The following MSRB3 variants were observed in gnomAD, a reference collection of about 807,000 sequenced individuals.
MSRB3 encodes methionine-R-sulfoxide reductase B3.
MSRB3 carries 13 observed loss-of-function variants against 21.0 expected under a neutral mutation model. The ratio of observed to expected loss-of-function variants is 0.62; its 90% CI spans 0.40 to 0.98. MSRB3 has a LOEUF of 0.98. MSRB3 is among the 50% of genes least tolerant of loss of function. The pLI, the probability that MSRB3 is intolerant of heterozygous loss-of-function variation, is 0.00. For missense variants in MSRB3, 199 were observed against 230.3 expected, an observed-to-expected ratio of 0.86 and a Z score of 0.88; for synonymous variants, 87 against 88.6, an observed-to-expected ratio of 0.98 and a Z score of 0.10.
chr12:65,313,387 A>G (rs1325623238), intron 2 of MSRB3, among the ~76,000 whole-genome samples: 3 of 152,164 alleles, frequency 2.0e-5, no homozygotes, highest in East Asian at 1.9e-4. Context: ...TACTGAATGC[A>G]TTGACTTTCT....
chr12:65,367,322 A>G (rs1295614808), intron 4 of MSRB3, among the ~76,000 whole-genome samples: 2 of 152,220 alleles, frequency 1.3e-5, no homozygotes, highest in African/African-American at 2.4e-5. Flanking sequence ...ACCTGTGGAG[A>G]ACCAGATACT....
intron 2 of MSRB3, among the ~76,000 whole-genome samples, chr12:65,314,625 G>A (rs1050314569): frequency 6.6e-6 from 1 of 152,076 alleles, no homozygotes; most frequent in African/African-American, 2.4e-5. Context: ...TGAATAAGAT[G>A]TTGGGCATAT....
intron 4 of MSRB3, among the ~76,000 whole-genome samples, chr12:65,351,865 G>T (rs1190339741): frequency 6.6e-6 from 1 of 152,114 alleles, no homozygotes; most frequent in African/African-American, 2.4e-5. Flanking sequence ...TGGATTCACA[G>T]CCGAATTCTA....
chr12:65,351,983 T>C (rs1462717004), intron 4 of MSRB3, among the ~76,000 whole-genome samples: 1 of 152,098 alleles, frequency 6.6e-6, no homozygotes, highest in Non-Finnish European at 1.5e-5. Flanking sequence ...ATCATTCTGA[T>C]ACCAAAGCCG....
At chr12:65,385,521 G>T (rs948164450) in intron 5 of MSRB3, among the ~76,000 whole-genome samples, 1 of 151,894 alleles carries the variant, frequency 6.6e-6, no homozygotes, top group Non-Finnish European at 1.5e-5. Context: ...ATGGGAAAAA[G>T]AATGTATTAC....
Position 65,336,323 on chromosome 12 carries a change from C to G in MSRB3, c.263+7720C>G, listed in dbSNP as rs76207519. Among the ~76,000 whole-genome samples, 8 of 152,308 alleles carry G rather than the reference C, an allele frequency of 5.3e-5. No individual in the cohort carries two copies. In the East Asian group the frequency reaches 1.5e-3, roughly 29 times the overall value. ...ACTAGAAAACTATCGCAAGGCATGA[C>G]TCAAAGTATAACAATATACAAAGAT... On this transcript the variant is annotated intron_variant, in intron 4 of 6. Coordinates refer to ENST00000308259, the MANE Select transcript of MSRB3 (RefSeq NM_001031679.3).
chr12:65,392,748 C>G (rs1409179981), intron 5 of MSRB3, among the ~76,000 whole-genome samples: 2 of 152,204 alleles, frequency 1.3e-5, no homozygotes, highest in Admixed American at 1.3e-4. Flanking sequence ...TTCTTCAGTA[C>G]TACTTTCTCC....
chr12:65,421,150 G>T (rs922122629), intron 5 of MSRB3, among the ~76,000 whole-genome samples: 1 of 151,962 alleles, frequency 6.6e-6, no homozygotes, highest in Non-Finnish European at 1.5e-5. Flanking sequence ...TTTAAATAAT[G>T]TCCTTTCTGA....
At chr12:65,295,501 G>A (rs942951239) in intron 1 of MSRB3, among the ~76,000 whole-genome samples, 7 of 150,024 alleles carry the variant, frequency 4.7e-5, no homozygotes, top group African/African-American at 1.8e-4. Context: ...TATCCTTAAG[G>A]ATATTTGATT....
intron 5 of MSRB3, among the ~76,000 whole-genome samples, chr12:65,442,575 A>T (rs771517114): frequency 3.9e-5 from 6 of 152,082 alleles, no homozygotes; most frequent in Non-Finnish European, 8.8e-5. Context: ...AGCAACCCAC[A>T]TCACCATCTT....
intron 4 of MSRB3, among the ~76,000 whole-genome samples, chr12:65,358,815 C>T (rs1352041829): frequency 6.6e-6 from 1 of 151,818 alleles, no homozygotes; most frequent in Non-Finnish European, 1.5e-5. Context: ...GATGGGTTAT[C>T]CTTATATCTT....
At chr12:65,393,283 A>C (rs1003720230) in intron 5 of MSRB3, among the ~76,000 whole-genome samples, 1 of 152,158 alleles carries the variant, frequency 6.6e-6, no homozygotes, top group Non-Finnish European at 1.5e-5. Context: ...CATTATGAGA[A>C]TATTTATTTT....
At chr12:65,281,848 T>C (rs1344945) in intron 1 of MSRB3, 44,414 of 152,074 alleles carry the variant, frequency 0.29, 6,559 homozygotes, top group Admixed American at 0.38. Flanking sequence ...TCAGAGAAGA[T>C]TGAATTGGAT....
At chr12:65,385,537 C>G (rs1879158803) in intron 5 of MSRB3, among the ~76,000 whole-genome samples, 1 of 151,964 alleles carries the variant, frequency 6.6e-6, no homozygotes, top group African/African-American at 2.4e-5. Context: ...ATTACCTTCT[C>G]TTAATTATAT....
At position 65,340,858 on chromosome 12, in the gene MSRB3, A is replaced by G. The variant is rs535180535; in HGVS notation, c.263+12255A>G. On this transcript the variant is annotated intron_variant, in intron 4 of 6. Transcript: ENST00000308259. ...AGGTGGGTAATTTTCTAAAAATAAA[A>G]TAATATACAAAATTTGACTCAGGAA... Among the ~76,000 whole-genome samples, 7 of 152,230 alleles carry G rather than the reference A, an allele frequency of 4.6e-5. No homozygotes were observed. In the South Asian group the frequency reaches 1.0e-3, roughly 23 times the overall value.
At chr12:65,364,497 G>T (rs1877892995) in intron 4 of MSRB3, among the ~76,000 whole-genome samples, 1 of 152,058 alleles carries the variant, frequency 6.6e-6, no homozygotes, top group Non-Finnish European at 1.5e-5. Context: ...TTATATTTAT[G>T]CATGTTATAC....
chr12:65,410,244 T>C (rs1278770354), intron 5 of MSRB3, among the ~76,000 whole-genome samples: 1 of 152,204 alleles, frequency 6.6e-6, no homozygotes, highest in Non-Finnish European at 1.5e-5. Flanking sequence ...TTAGATCATC[T>C]TATTTTATCT....
chr12:65,417,805 A>G (rs1031878125), intron 5 of MSRB3, among the ~76,000 whole-genome samples: 2 of 152,198 alleles, frequency 1.3e-5, no homozygotes, highest in African/African-American at 4.8e-5. Context: ...TGTTCAAATG[A>G]CAGGATTTTC....
chr12:65,367,156 AG>A (rs1878058108), intron 4 of MSRB3, among the ~76,000 whole-genome samples: 1 of 152,254 alleles, frequency 6.6e-6, no homozygotes, highest in African/African-American at 2.4e-5. Context: ...AGATTAGGAA[AG>A]GGAGATAGAT....
Sources: allele counts gnomAD v4.1 joint callset (sites outside exome capture counted in the v4.1 genomes callset), GRCh38; gene constraint gnomAD v4.1.1; transcripts MANE v1.5; gene names NCBI Gene and HGNC (gene_info 2026-07-23, HGNC 2026-07-21).